The following KCND3 variants were observed in gnomAD, a reference collection of about 807,000 sequenced individuals.
KCND3 encodes the protein A-type voltage-gated potassium channel KCND3.
Under a neutral mutation model 51.1 loss-of-function variants are expected in KCND3, and 9 were observed. That is an observed-to-expected ratio of 0.18 (90% CI 0.11 to 0.31). The LOEUF (loss-of-function observed/expected upper bound fraction) is 0.31. Ranked by LOEUF, KCND3 falls within the 10% of genes least tolerant of loss-of-function variation. The pLI, the probability that KCND3 is intolerant of heterozygous loss-of-function variation, is 1.00. For missense variants in KCND3, 526 were observed against 903.8 expected (o/e 0.58, Z 5.36); for synonymous variants, 349 against 368.0 (o/e 0.95, Z 0.59).
chr1:111,934,642 A>G (rs761568323), intron 2 of KCND3, among the ~76,000 whole-genome samples: 7 of 152,248 alleles, frequency 4.6e-5, no homozygotes, highest in Non-Finnish European at 1.0e-4. Flanking sequence ...GAGTGTGTGC[A>G]TGCATGTTTG....
chr1:111,817,303 T>C (rs1321621068), intron 2 of KCND3, among the ~76,000 whole-genome samples: 1 of 152,130 alleles, frequency 6.6e-6, no homozygotes, highest in Admixed American at 6.5e-5. Context: ...TGCATTGAGA[T>C]GGGCACTTTT....
intron 2 of KCND3, among the ~76,000 whole-genome samples, chr1:111,950,702 G>C (rs945555898): frequency 2.0e-5 from 3 of 152,204 alleles, no homozygotes; most frequent in Non-Finnish European, 4.4e-5. Context: ...GGCCTGGTCA[G>C]GGCACCGTCT....
At chr1:111,910,603 G>C (rs1367818444) in intron 2 of KCND3, among the ~76,000 whole-genome samples, 1 of 152,170 alleles carries the variant, frequency 6.6e-6, no homozygotes, top group African/African-American at 2.4e-5. Flanking sequence ...ATCTTCCCGA[G>C]AAGCAACACC....
intron 2 of KCND3, among the ~76,000 whole-genome samples, chr1:111,899,896 C>T (rs879785264): frequency 5.9e-5 from 9 of 152,120 alleles, no homozygotes; most frequent in Admixed American, 3.9e-4. Context: ...TATGAGTCCT[C>T]GGGGGAACCA....
At chr1:111,934,902 T>C (rs1672148452) in intron 2 of KCND3, among the ~76,000 whole-genome samples, 1 of 152,230 alleles carries the variant, frequency 6.6e-6, no homozygotes, top group Non-Finnish European at 1.5e-5. Context: ...AACAAGTTAA[T>C]ACAGATAGAG....
chr1:111,842,768 G>C (rs184212106), intron 2 of KCND3, among the ~76,000 whole-genome samples: 2 of 152,340 alleles, frequency 1.3e-5, no homozygotes, highest in African/African-American at 4.8e-5. Context: ...AAGAGGCACT[G>C]TCAGAGAAGA....
intron 2 of KCND3, among the ~76,000 whole-genome samples, chr1:111,873,738 A>C (rs1668931763): frequency 6.6e-6 from 1 of 152,124 alleles, no homozygotes; most frequent in South Asian, 2.1e-4. Flanking sequence ...CAGCTGCTAA[A>C]TGTCCATTTC....
intron 2 of KCND3, among the ~76,000 whole-genome samples, chr1:111,940,935 C>T (rs909757818): frequency 6.6e-6 from 1 of 152,184 alleles, no homozygotes; most frequent in East Asian, 1.9e-4. Flanking sequence ...TGGTTCTCTC[C>T]TTTGTGTAAG....
intron 2 of KCND3, among the ~76,000 whole-genome samples, chr1:111,916,745 T>C (rs1671235567): frequency 6.6e-6 from 1 of 152,010 alleles, no homozygotes; most frequent in African/African-American, 2.4e-5. Context: ...AAAAAGATAA[T>C]AAGAGAATAT....
At chr1:111,849,411 C>T (rs1667707911) in intron 2 of KCND3, among the ~76,000 whole-genome samples, 1 of 152,230 alleles carries the variant, frequency 6.6e-6, no homozygotes, top group African/African-American at 2.4e-5. Context: ...CCATCTTCCT[C>T]TCTGCCCCCT....
intron 2 of KCND3, among the ~76,000 whole-genome samples, chr1:111,958,299 T>C (rs988509845): frequency 1.3e-5 from 2 of 152,072 alleles, no homozygotes; most frequent in Non-Finnish European, 2.9e-5. Flanking sequence ...GCTAATCTGC[T>C]CCAGAAAAGC....
chr1:111,967,496 G>A (rs999159699), intron 2 of KCND3, among the ~76,000 whole-genome samples: 2 of 152,154 alleles, frequency 1.3e-5, no homozygotes, highest in Admixed American at 6.5e-5. Context: ...CTTGATCTGC[G>A]TCCTGCCAGC....
chr1:111,869,061 C>G (rs1668716674), intron 2 of KCND3, among the ~76,000 whole-genome samples: 2 of 152,206 alleles, frequency 1.3e-5, no homozygotes, highest in South Asian at 4.1e-4. Context: ...AGCTCCACAC[C>G]ATACTTCCTT....
At chr1:111,803,053 GGACAC>G (rs1295948365) in intron 2 of KCND3, among the ~76,000 whole-genome samples, 1 of 152,216 alleles carries the variant, frequency 6.6e-6, no homozygotes, top group African/African-American at 2.4e-5. Flanking sequence ...GGCCTGGTCT[GGACAC>G]CTGCCTGCGA....
chr1:111,771,583 T>G lies in KCND3; in HGVS notation c.*4494A>C, dbSNP rs1276186942. ...TTTTCAACCACTTCCTCTGCAAAAC[T>G]TAAGGAAAAACTCTTAAGTACATAA... On this transcript the variant is annotated 3_prime_UTR_variant, in exon 8 of 8. Transcript: ENST00000302127. 1 of 152,202 alleles carries G rather than the reference T, an allele frequency of 6.6e-6. No individual in the cohort carries two copies. Among genetic ancestry groups the G allele is most frequent in the African/African-American group, 2.4e-5 (1 of 41,444 alleles). 9.4% of individuals were successfully genotyped at this position (152,202 alleles called of 1,614,324 possible).
chr1:111,893,070 G>A (rs1669920301), intron 2 of KCND3, among the ~76,000 whole-genome samples: 1 of 152,224 alleles, frequency 6.6e-6, no homozygotes, highest in Non-Finnish European at 1.5e-5. Context: ...CAGATGCTCT[G>A]GGCTGAGCTG....
intron 2 of KCND3, among the ~76,000 whole-genome samples, chr1:111,978,161 C>T (rs1271184009): frequency 1.3e-5 from 2 of 152,204 alleles, no homozygotes; most frequent in African/African-American, 4.8e-5. Context: ...GGAGATCCCT[C>T]CCTGGAGGAC....
intron 2 of KCND3, among the ~76,000 whole-genome samples, chr1:111,839,019 G>C (rs962721652): frequency 6.6e-6 from 1 of 152,162 alleles, no homozygotes; most frequent in African/African-American, 2.4e-5. Flanking sequence ...GTGAGCCCCT[G>C]CTGGCTCCTG....
In KCND3 at chr1:111,778,473, T is replaced by C. The variant is rs756697234; in HGVS notation, c.1481A>G (p.Asp494Gly). 6.2e-7 allele frequency: 1 copy of C among 1,613,940 alleles called. No individual in the cohort carries two copies. The highest frequency in any genetic ancestry group is 8.5e-7 in the Non-Finnish European group (1 of 1,179,866). ...GGTTCGTACAGATAACAGGGGATCATCCACAAGATAGGACAACCCCTACAG... is the reference window on the plus strand; with the variant it reads ...GGTTCGTACAGATAACAGGGGATCACCCACAAGATAGGACAACCCCTACAG... ...EKTTGLSYLV[D>G]DPLLSVRTST... Residue 494 changes from aspartate (D) to glycine (G), a missense_variant, in exon 6 of 8, where the codon GAT becomes GGT. Around this residue, in one of 5 missense-constraint regions of KCND3, gnomAD observed 266 missense variants for 305.5 expected, o/e 0.87. Transcript: ENST00000302127.
Sources: gnomAD v4.1 joint callset for allele counts (sites outside exome capture counted in the v4.1 genomes callset) on GRCh38, gnomAD v4.1.1 for gene constraint, gnomAD v4.1.1 regional missense constraint, MANE v1.5 for transcripts, NCBI Gene and HGNC (gene_info 2026-07-23, HGNC 2026-07-21) for gene names.